The following TAFA4 variants were observed in gnomAD, a reference collection of about 807,000 sequenced individuals.
The protein encoded by TAFA4 is chemokine-like protein TAFA-4.
A neutral mutation model predicts 21.1 loss-of-function variants in TAFA4; 20 were observed. The ratio of observed to expected loss-of-function variants is 0.95; its 90% CI spans 0.67 to 1.38. The LOEUF (loss-of-function observed/expected upper bound fraction) is 1.38. Ranked by LOEUF, TAFA4 falls within the 40% of genes most tolerant of loss-of-function variation. The pLI, the probability that TAFA4 is intolerant of heterozygous loss-of-function variation, is 0.00. For synonymous variants in TAFA4, 71 were observed against 67.4 expected (o/e 1.05, Z -0.26); for missense variants, 211 against 180.9 (o/e 1.17, Z -0.95).
At chr3:68,746,796 C>G (rs1297305339) in intron 4 of TAFA4, among the ~76,000 whole-genome samples, 1 of 152,200 alleles carries the variant, frequency 6.6e-6, no homozygotes, top group Non-Finnish European at 1.5e-5. Flanking sequence ...CGTTTGTCCT[C>G]TCTACTAAAT....
At chr3:68,887,952 T>C (rs544399367) in intron 1 of TAFA4, among the ~76,000 whole-genome samples, 6 of 152,168 alleles carry the variant, frequency 3.9e-5, no homozygotes, top group African/African-American at 1.4e-4. Context: ...CTCCCAAATA[T>C]GCTGTTTTAT....
chr3:68,899,403 T>A (rs1281980924), intron 1 of TAFA4, among the ~76,000 whole-genome samples: 2 of 152,174 alleles, frequency 1.3e-5, no homozygotes, highest in Non-Finnish European at 2.9e-5. Context: ...CCCTGGATTT[T>A]TTTTTTTCTT....
chr3:68,892,157 A>G lies in TAFA4; in HGVS notation c.-122-6847T>C, dbSNP rs547896668. On this transcript the variant is annotated intron_variant, in intron 1 of 5. Transcript: ENST00000295569. Reference sequence around the variant, plus strand: ...GTGGAATTACTTTTGTAATTTAGAGAGTATTCATTGTTACATGTTAAAGCA... The same window carrying G: ...GTGGAATTACTTTTGTAATTTAGAGGGTATTCATTGTTACATGTTAAAGCA... Among the ~76,000 whole-genome samples the G allele has an allele frequency of 3.3e-5, 5 of 152,328 alleles. No individual in the cohort carries two copies. The South Asian group carries it at 1.0e-3, about 32-fold the overall frequency.
chr3:68,799,588 C>T (rs1164054203), intron 3 of TAFA4, among the ~76,000 whole-genome samples: 6 of 152,232 alleles, frequency 3.9e-5, no homozygotes, highest in Non-Finnish European at 5.9e-5. Flanking sequence ...TGGTTAGCCA[C>T]GTGGTCCCAA....
intron 5 of TAFA4, among the ~76,000 whole-genome samples, chr3:68,736,053 G>C (rs1041986492): frequency 3.3e-5 from 5 of 152,086 alleles, no homozygotes; most frequent in Non-Finnish European, 7.4e-5. Flanking sequence ...TTCACCCTTA[G>C]TAGAGGATTC....
chr3:68,753,286 T>A (rs866741638), intron 3 of TAFA4, among the ~76,000 whole-genome samples: 3 of 151,746 alleles, frequency 2.0e-5, no homozygotes, highest in Admixed American at 6.6e-5. Context: ...TATGACACAT[T>A]AATTACATGA....
chr3:68,862,140 C>T (rs73108690), intron 3 of TAFA4, among the ~76,000 whole-genome samples: 1 of 152,124 alleles, frequency 6.6e-6, no homozygotes, highest in Non-Finnish European at 1.5e-5. Context: ...GATGATGCCA[C>T]TAGATGTCTG....
intron 3 of TAFA4, among the ~76,000 whole-genome samples, chr3:68,862,287 G>T (rs771201501): frequency 2.0e-5 from 3 of 152,056 alleles, no homozygotes; most frequent in African/African-American, 7.2e-5. Flanking sequence ...AACACATATT[G>T]TAAGTGCATA....
chr3:68,874,293 C>T (rs1442220941), intron 3 of TAFA4, among the ~76,000 whole-genome samples: 1 of 152,106 alleles, frequency 6.6e-6, no homozygotes, highest in Non-Finnish European at 1.5e-5. Context: ...TTTTAAATGT[C>T]CCTTCAAAAA....
Position 68,881,238 on chromosome 3 carries a change from T to G in TAFA4, c.15-393A>C, listed in dbSNP as rs546456796. ...GGATCTGAAAGAATCCATGGAGATT[T>G]TGCACATGTGGTCCAAGAACTTTCT... On this transcript the variant is annotated intron_variant, in intron 2 of 5. Coordinates refer to ENST00000295569, the MANE Select transcript of TAFA4 (RefSeq NM_182522.5). Among the ~76,000 whole-genome samples the G allele has an allele frequency of 3.5e-3, 529 of 152,306 alleles. 4 individuals are homozygous for G. Among genetic ancestry groups the G allele is most frequent in the African/African-American group, 0.012 (512 of 41,562 alleles).
chr3:68,903,712 T>G (rs749255945), intron 1 of TAFA4, among the ~76,000 whole-genome samples: 3 of 152,222 alleles, frequency 2.0e-5, no homozygotes, highest in Non-Finnish European at 4.4e-5. Context: ...GTGGATTGTG[T>G]GTCACAGGGG....
intron 3 of TAFA4, among the ~76,000 whole-genome samples, chr3:68,793,415 C>G (rs914916213): frequency 2.6e-5 from 4 of 152,170 alleles, no homozygotes; most frequent in African/African-American, 7.2e-5. Flanking sequence ...GGTTTTGCAG[C>G]AAACTGCTTC....
At chr3:68,779,778 G>A (rs748214173) in intron 3 of TAFA4, among the ~76,000 whole-genome samples, 2 of 152,226 alleles carry the variant, frequency 1.3e-5, no homozygotes, top group African/African-American at 2.4e-5. Context: ...TGCTAGGACA[G>A]TGAAGAAGGG....
chr3:68,850,685 CTTTCT>C (rs1704922108), intron 3 of TAFA4, among the ~76,000 whole-genome samples: 1 of 151,652 alleles, frequency 6.6e-6, no homozygotes, highest in African/African-American at 2.4e-5. Context: ...TGCAAGAATG[CTTTCT>C]TTTGAGAAGT....
At chr3:68,856,872 T>G (rs1377566745) in intron 3 of TAFA4, among the ~76,000 whole-genome samples, 2 of 152,108 alleles carry the variant, frequency 1.3e-5, no homozygotes, top group African/African-American at 2.4e-5. Flanking sequence ...TGGGTACACC[T>G]GGAATCCAAG....
At chr3:68,804,646 C>T (rs1330572277) in intron 3 of TAFA4, among the ~76,000 whole-genome samples, 1 of 152,106 alleles carries the variant, frequency 6.6e-6, no homozygotes, top group East Asian at 1.9e-4. Context: ...AGAAATAATG[C>T]CTCCTATCTA....
chr3:68,790,152 G>A (rs952016629), intron 3 of TAFA4, among the ~76,000 whole-genome samples: 10 of 151,574 alleles, frequency 6.6e-5, no homozygotes, highest in Non-Finnish European at 1.5e-4. Context: ...TATAAAGGGA[G>A]GAGGATAAAG....
At chr3:68,779,530 G>A (rs892498832) in intron 3 of TAFA4, among the ~76,000 whole-genome samples, 4 of 152,130 alleles carry the variant, frequency 2.6e-5, no homozygotes, top group African/African-American at 9.7e-5. Flanking sequence ...GGGACTTAGT[G>A]CCCTGCATCC....
chr3:68,735,843 T>G (rs1349476703), intron 5 of TAFA4, among the ~76,000 whole-genome samples: 1 of 152,164 alleles, frequency 6.6e-6, no homozygotes, highest in Non-Finnish European at 1.5e-5. Flanking sequence ...TTCATACTAT[T>G]GACATTTGGG....
Sources: gnomAD v4.1 joint callset for allele counts (sites outside exome capture counted in the v4.1 genomes callset) on GRCh38, gnomAD v4.1.1 for gene constraint, MANE v1.5 for transcripts, NCBI Gene and HGNC (gene_info 2026-07-23, HGNC 2026-07-21) for gene names.